The following WDFY1 variants were observed in gnomAD, a reference collection of about 807,000 sequenced individuals.
WDFY1 encodes WD repeat and FYVE domain containing 1.
WDFY1 carries 32 observed loss-of-function variants against 56.4 expected under a neutral mutation model. The observed-to-expected ratio is 0.57, with a 90% CI of 0.43 to 0.76. The LOEUF is 0.76. Ranked by LOEUF, WDFY1 falls within the 30% of genes least tolerant of loss-of-function variation. The probability of loss-of-function intolerance (pLI) is 0.00; values close to 1 mark genes in which losing one functional copy is unlikely to be tolerated. For missense variants in WDFY1, 480 were observed against 545.7 expected (o/e 0.88, Z 1.20); for synonymous variants, 192 against 197.3 (o/e 0.97, Z 0.23).
chr2:223,891,483 A>T (rs537165201), intron 8 of WDFY1, among the ~76,000 whole-genome samples: 2 of 151,842 alleles, frequency 1.3e-5, no homozygotes, highest in South Asian at 4.2e-4. Flanking sequence ...TAAAAAACAA[A>T]CAAACAAAAA....
chr2:223,907,252 C>T (rs1026260396), intron 3 of WDFY1, among the ~76,000 whole-genome samples: 1 of 152,100 alleles, frequency 6.6e-6, no homozygotes, highest in Non-Finnish European at 1.5e-5. Context: ...GCTGGGATTA[C>T]AGGCATGAGC....
intron 10 of WDFY1, 92 bp from the exon 11 acceptor site, chr2:223,880,324 T>C (rs1300319185): frequency 1.1e-5 from 12 of 1,141,988 alleles, no homozygotes; most frequent in African/African-American, 1.5e-5. Context: ...TAAGCAAATA[T>C]GGCCAGGTGC....
At position 223,901,271 on chromosome 2, in the gene WDFY1, C is replaced by T. The variant is rs780523299; in HGVS notation, c.397G>A (p.Gly133Ser). Reference protein sequence around the residue: ...SLATEWVISTGHDKCVSWMCT... With the variant: ...SLATEWVISTSHDKCVSWMCT... ...ATCCAGCTCACACACTTGTCGTGGC[C>T]GGTACTGATCACCCACTCTGTGGCC... The change falls in exon 5 of 12, where the codon GGC becomes AGC. Residue 133 changes from glycine to serine, a missense_variant. Gly to Ser is a moderately conservative substitution (Grantham distance 56, BLOSUM62 0). Coordinates refer to ENST00000233055, the MANE Select transcript of WDFY1 (RefSeq NM_020830.5). 8 of 1,614,000 alleles carry T rather than the reference C, an allele frequency of 5.0e-6. No individual in the cohort carries two copies. The East Asian group carries it at 1.3e-4, about 27-fold the overall frequency.
intron 6 of WDFY1, among the ~76,000 whole-genome samples, chr2:223,898,683 G>A (rs1011007452): frequency 1.3e-5 from 2 of 152,172 alleles, no homozygotes; most frequent in South Asian, 4.1e-4. Flanking sequence ...GGGATTACAG[G>A]TGTGAACCAA....
At chr2:223,913,993 C>CTTTTTTTTTTTTT (rs386392770) in intron 2 of WDFY1, among the ~76,000 whole-genome samples, 8 of 88,140 alleles carry the variant, frequency 9.1e-5, no homozygotes, top group East Asian at 3.9e-4. Flanking sequence ...AATCAGTTAG[C>CTTTTTTTTTTTTT]TTTTTTTTTT....
At chr2:223,889,037 G>A (rs1426096397) in intron 8 of WDFY1, among the ~76,000 whole-genome samples, 3 of 150,860 alleles carry the variant, frequency 2.0e-5, no homozygotes, top group African/African-American at 7.3e-5. Flanking sequence ...CCAAGTAGCT[G>A]AGATTACAGG....
At chr2:223,943,458 G>A (rs999611222) in intron 1 of WDFY1, among the ~76,000 whole-genome samples, 3 of 152,134 alleles carry the variant, frequency 2.0e-5, no homozygotes, top group African/African-American at 7.2e-5. Flanking sequence ...GGAGTTGGGG[G>A]CTTCAGGCTT....
intron 1 of WDFY1, among the ~76,000 whole-genome samples, chr2:223,942,614 C>A (rs1418909215): frequency 7.5e-6 from 1 of 132,858 alleles, no homozygotes; most frequent in Non-Finnish European, 1.6e-5. Flanking sequence ...CGGCTCACTG[C>A]AAGCTCCGCT....
At chr2:223,910,839 A>G (rs1428848745) in intron 3 of WDFY1, among the ~76,000 whole-genome samples, 1 of 152,210 alleles carries the variant, frequency 6.6e-6, no homozygotes, top group African/African-American at 2.4e-5. Flanking sequence ...TGCAGCCACT[A>G]TGGAAAACAG....
chr2:223,910,961 C>T (rs1365418994), intron 3 of WDFY1, among the ~76,000 whole-genome samples: 3 of 152,142 alleles, frequency 2.0e-5, no homozygotes, highest in Admixed American at 1.3e-4. Flanking sequence ...AAAACATGTA[C>T]ATGAATTTTC....
intron 1 of WDFY1, among the ~76,000 whole-genome samples, chr2:223,942,182 T>C (rs1467528911): frequency 1.3e-5 from 2 of 152,106 alleles, no homozygotes; most frequent in African/African-American, 2.4e-5. Flanking sequence ...CCAAAACGCA[T>C]GATTCATGAA....
chr2:223,937,534 G>T (rs2106104502), intron 1 of WDFY1, among the ~76,000 whole-genome samples: 1 of 152,274 alleles, frequency 6.6e-6, no homozygotes, highest in Non-Finnish European at 1.5e-5. Context: ...ACTCTGTAAA[G>T]CAGGTACAAA....
At chr2:223,911,578 A>C (rs1254903563) in intron 3 of WDFY1, among the ~76,000 whole-genome samples, 2 of 51,766 alleles carry the variant, frequency 3.9e-5, no homozygotes, top group Admixed American at 3.4e-4. Context: ...ACACACACAC[A>C]CACACACACA....
intron 6 of WDFY1, among the ~76,000 whole-genome samples, chr2:223,897,351 CATATATATATATAT>C (rs1194128689): frequency 4.8e-4 from 26 of 53,670 alleles, no homozygotes; most frequent in South Asian, 2.9e-3. Context: ...CTAAATTTCG[CATATATATATATAT>C]ATATATATAT....
intron 1 of WDFY1, among the ~76,000 whole-genome samples, chr2:223,918,674 T>C (rs550368250): frequency 1.5e-4 from 22 of 151,594 alleles, no homozygotes; most frequent in South Asian, 4.2e-4. Flanking sequence ...CAAAATGACA[T>C]AGAAAGAAAA....
chr2:223,932,251 C>T (rs1267159813), intron 1 of WDFY1, among the ~76,000 whole-genome samples: 1 of 151,324 alleles, frequency 6.6e-6, no homozygotes, highest in South Asian at 2.1e-4. Context: ...GCCTCCCGAG[C>T]AGCTGGGACT....
chr2:223,892,539 C>T (rs1384623757), intron 8 of WDFY1, among the ~76,000 whole-genome samples: 1 of 151,828 alleles, frequency 6.6e-6, no homozygotes, highest in Admixed American at 6.6e-5. Context: ...TCTTTGTGTA[C>T]AGTAGCCATA....
intron 1 of WDFY1, among the ~76,000 whole-genome samples, chr2:223,927,267 A>C (rs1693999549): frequency 6.6e-6 from 1 of 152,190 alleles, no homozygotes; most frequent in South Asian, 2.1e-4. Context: ...CTAGCTATGA[A>C]AGTCCTAGAT....
At chr2:223,899,177 A>AT (rs1166479980) in intron 5 of WDFY1, 107 bp from the exon 6 acceptor site, 1 of 845,332 alleles carries the variant, frequency 1.2e-6, no homozygotes, top group East Asian at 2.5e-5. Context: ...GAAAACATGC[A>AT]TTTTAAAGAG....
Sources: allele counts gnomAD v4.1 joint callset (sites outside exome capture counted in the v4.1 genomes callset), GRCh38; gene constraint gnomAD v4.1.1; transcripts MANE v1.5; gene names NCBI Gene and HGNC (gene_info 2026-07-23, HGNC 2026-07-21).